Variants in RBIS observed in about 807,000 individuals in gnomAD.
RBIS encodes ribosome biogenesis factor identified in screen.
RBIS carries 9 observed loss-of-function variants against 9.8 expected under a neutral mutation model. That is an observed-to-expected ratio of 0.92 (90% CI 0.56 to 1.61). The LOEUF is 1.61. Among genes scored for constraint, RBIS ranks in the 40% most tolerant of loss-of-function variants. The pLI is 0.00. For synonymous variants in RBIS, 35 were observed against 37.9 expected, an observed-to-expected ratio of 0.92 and a Z score of 0.28; for missense variants, 103 against 116.0, an observed-to-expected ratio of 0.89 and a Z score of 0.51.
chr8:85,216,392 A>G (rs16913681), intron 2 of RBIS: 99,735 of 151,932 alleles, frequency 0.66, 33,268 homozygotes, highest in Non-Finnish European at 0.67. Context: ...CACCTTATGC[A>G]GCCTACCCAT....
intron 3 of RBIS, 67 bp downstream of exon 3, chr8:85,214,854 A>T: frequency 1.1e-6 from 1 of 905,630 alleles, no homozygotes. Flanking sequence ...GGCTTTGAAA[A>T]CTTGGGAGTT....
intron 1 of RBIS, chr8:85,217,770 T>A (rs1312635046): frequency 2.2e-6 from 1 of 457,644 alleles, no homozygotes; most frequent in Non-Finnish European, 3.9e-6. Context: ...AATTCACTAA[T>A]ATCATCAACA....
chr8:85,214,782 C>T (rs1333890318), intron 3 of RBIS, 139 bp downstream of exon 3: 2 of 723,706 alleles, frequency 2.8e-6, no homozygotes, highest in East Asian at 5.3e-5. Context: ...TCTGAATATG[C>T]TATTTATACT....
intron 2 of RBIS, chr8:85,215,864 C>T (rs1162696398): frequency 6.6e-6 from 1 of 152,256 alleles, no homozygotes; most frequent in Non-Finnish European, 1.5e-5. Flanking sequence ...ACAGGTAAAA[C>T]ATCTGGGACT....
intron 1 of RBIS, among the ~76,000 whole-genome samples, chr8:85,218,233 C>G (rs1813224083): frequency 6.6e-6 from 1 of 152,024 alleles, no homozygotes; most frequent in Non-Finnish European, 1.5e-5. Flanking sequence ...CTCATTTACT[C>G]CTTACAACCC....
intron 2 of RBIS, chr8:85,216,002 T>C (rs1433767927): frequency 6.6e-6 from 1 of 152,138 alleles, no homozygotes; most frequent in East Asian, 1.9e-4. Context: ...CTGCTGAAGA[T>C]TCATCTGCAG....
chr8:85,218,798 C>T (rs1429557017), intron 1 of RBIS: 1 of 152,218 alleles, frequency 6.6e-6, no homozygotes, highest in African/African-American at 2.4e-5. Flanking sequence ...CACCAGTGCA[C>T]TCCAGCCTGA....
At position 85,217,549 on chromosome 8, in the gene RBIS, G is replaced by A. The variant is rs189879463; in HGVS notation, c.-3-47C>T. On this transcript the variant is annotated intron_variant, in intron 1 of 3. Transcript: ENST00000619594. Reference sequence around the variant, plus strand: ...ATTAAATTGCCCACATTTATGAACCGTAAGTCAATTTTAAGTTTTTAAAGG... The same window carrying A: ...ATTAAATTGCCCACATTTATGAACCATAAGTCAATTTTAAGTTTTTAAAGG... 744 of 1,208,054 alleles carry A rather than the reference G, an allele frequency of 6.2e-4. 3 individuals carry two copies. Among genetic ancestry groups the A allele is most frequent in the Middle Eastern group, 3.1e-3 (11 of 3,576 alleles). 74.8% of individuals were successfully genotyped at this position (1,208,054 alleles called of 1,614,324 possible).
intron 2 of RBIS, 95 bp downstream of exon 2, chr8:85,217,291 A>G (rs745985836): frequency 3.8e-6 from 3 of 789,778 alleles, no homozygotes; most frequent in African/African-American, 3.4e-5. Flanking sequence ...AAAATGAAGA[A>G]CCTTTTTAAA....
chr8:85,216,746 T>C (rs1242840147), intron 2 of RBIS: 1 of 152,270 alleles, frequency 6.6e-6, no homozygotes, highest in Non-Finnish European at 1.5e-5. Context: ...CTCATGAAAG[T>C]TGAAAGATGA....
At position 85,217,521 on chromosome 8, in the gene RBIS, T is replaced by G; in HGVS notation, c.-3-19A>C. The G allele has an allele frequency of 6.9e-7, 1 of 1,447,858 alleles. No homozygotes were observed. The highest frequency in any genetic ancestry group is 9.7e-7 in the Non-Finnish European group (1 of 1,033,388). 89.7% of individuals were successfully genotyped at this position (1,447,858 alleles called of 1,614,324 possible). A position where few individuals can be genotyped will look rare whatever the true frequency, so the allele number is the denominator to read the frequency against. On this transcript the variant is annotated intron_variant, in intron 1 of 3. Coordinates refer to ENST00000619594, the MANE Select transcript of RBIS (RefSeq NM_001099673.3). ...CCATTGTCTAGAAAAGAAAATAAAT[T>G]CAATTAAATTGCCCACATTTATGAA...
At chr8:85,214,862 G>GT in intron 3 of RBIS, 59 bp downstream of exon 3, 1 of 983,212 alleles carries the variant, frequency 1.0e-6, no homozygotes, top group East Asian at 2.5e-5. Context: ...AAACTTGGGA[G>GT]TTTAATTTAT....
Position 85,214,597 on chromosome 8 carries a change from T to C in RBIS, c.266A>G (p.Asn89Ser). 6.3e-7 allele frequency: 1 copy of C among 1,574,850 alleles called. No homozygotes were observed. The highest frequency in any genetic ancestry group is 8.7e-7 in the Non-Finnish European group (1 of 1,145,784). ...CATTAATCTTGTAGCTTCATCAACA[T>C]TAACTGGTTTGCTTTCATGACGCTG... ...PQQRHESKPV[N>S]VDEATRLMAL... The change falls in exon 4 of 4, where the codon AAT becomes AGT. Residue 89 changes from asparagine (N) to serine (S), a missense_variant. Asn to Ser is a conservative substitution (Grantham distance 46). Transcript: ENST00000619594.
At chr8:85,219,684 G>A (rs1228464618) in intron 1 of RBIS, among the ~76,000 whole-genome samples, 3 of 152,064 alleles carry the variant, frequency 2.0e-5, no homozygotes, top group Non-Finnish European at 4.4e-5. Flanking sequence ...GCAGTGAGCC[G>A]AGATCACGCC....
chr8:85,214,817 A>C, intron 3 of RBIS, 104 bp downstream of exon 3: 1 of 750,766 alleles, frequency 1.3e-6, no homozygotes, highest in Non-Finnish European at 2.3e-6. Context: ...TAGAGAGCCA[A>C]GTACTAAAAA....
intron 3 of RBIS, 132 bp downstream of exon 3, chr8:85,214,789 T>G: frequency 1.4e-6 from 1 of 728,926 alleles, no homozygotes; most frequent in South Asian, 1.6e-5. Context: ...ATGCTATTTA[T>G]ACTATAGAGC....
chr8:85,217,315 C>T, intron 2 of RBIS, 71 bp downstream of exon 2: 2 of 874,930 alleles, frequency 2.3e-6, no homozygotes, highest in Non-Finnish European at 3.9e-6. Context: ...TAATAGTATA[C>T]AGCTGTTCAG....
rs368187310 is a variant in RBIS at position 85,220,370 on chromosome 8, T to C, written c.-68A>G. The C allele has an allele frequency of 7.9e-5, 12 of 152,326 alleles. No homozygotes were observed. The highest frequency in any genetic ancestry group is 3.3e-4 in the Admixed American group (5 of 15,294). 9.4% of individuals were successfully genotyped at this position (152,326 alleles called of 1,614,324 possible). A position where few individuals can be genotyped will look rare whatever the true frequency, so the allele number is the denominator to read the frequency against. On this transcript the variant is annotated 5_prime_UTR_variant, in exon 1 of 4. Transcript: ENST00000619594. ...GTAACACCATCTGGCACGTACGGCG[T>C]CTAGGAAGTTCCGGGGAGGATGAAC...
rs1443029313 is a variant in RBIS at position 85,214,251 on chromosome 8, G to A, written c.*309C>T. 5.4e-6 allele frequency: 3 copies of A among 553,876 alleles called. No individual in the cohort carries two copies. The highest frequency in any genetic ancestry group is 3.7e-5 in the African/African-American group (2 of 53,548). 34.3% of individuals were successfully genotyped at this position (553,876 alleles called of 1,614,324 possible). On this transcript the variant is annotated 3_prime_UTR_variant, in exon 4 of 4. Transcript: ENST00000619594. ...TATTTTTACTGCCACTAAACTGCCTGTATTTCTGTATGTCCTTCTATCCAA... is the reference window on the plus strand; with the variant it reads ...TATTTTTACTGCCACTAAACTGCCTATATTTCTGTATGTCCTTCTATCCAA...
Sources: gnomAD v4.1 joint callset for allele counts (sites outside exome capture counted in the v4.1 genomes callset) on GRCh38, gnomAD v4.1.1 for gene constraint, MANE v1.5 for transcripts, NCBI Gene and HGNC (gene_info 2026-07-23, HGNC 2026-07-21) for gene names.